Variants in ARHGAP10 observed in about 807,000 individuals in gnomAD.
ARHGAP10 encodes the protein rho GTPase-activating protein 10.
ARHGAP10 carries 87 observed loss-of-function variants against 108.6 expected under a neutral mutation model. The observed-to-expected ratio is 0.80, with a 90% confidence interval of 0.67 to 0.96. ARHGAP10 has a LOEUF of 0.96. Ranked by LOEUF, ARHGAP10 falls within the 40% of genes least tolerant of loss-of-function variation. The pLI, the probability that ARHGAP10 is intolerant of heterozygous loss-of-function variation, is 0.00. For synonymous variants in ARHGAP10, 347 were observed against 341.1 expected (o/e 1.02, Z -0.19); for missense variants, 939 against 954.5 (o/e 0.98, Z 0.21).
At position 147,966,839 on chromosome 4, in the gene ARHGAP10, G is replaced by A; in HGVS notation, c.1716G>A (p.Lys572=). ...VVEILIENHE[K]IFRTPPDTTF... is the part of the protein sequence containing the mutation. ...AAATCTTAATTGAAAACCATGAAAA[G>A]GTAAAATTTTTTTTTTCTTTAAGAG... Residue 572 remains lysine, a splice_region_variant and synonymous_variant, in exon 18 of 23, where the codon AAG becomes AAA. Transcript: ENST00000336498. The A allele has an allele frequency of 3.2e-6, 5 of 1,564,670 alleles. No homozygotes were observed.
intron 1 of ARHGAP10, among the ~76,000 whole-genome samples, chr4:147,759,189 T>A (rs910564820): frequency 6.6e-6 from 1 of 152,194 alleles, no homozygotes; most frequent in African/African-American, 2.4e-5. Context: ...CTGTGTTACT[T>A]TGTTAAACTT....
chr4:147,841,672 T>C (rs1733420613), intron 3 of ARHGAP10, among the ~76,000 whole-genome samples: 1 of 152,312 alleles, frequency 6.6e-6, no homozygotes, highest in South Asian at 2.1e-4. Flanking sequence ...GTTGCTCAGT[T>C]GACATTGCCT....
At chr4:147,793,984 A>G (rs775842255) in intron 1 of ARHGAP10, among the ~76,000 whole-genome samples, 2 of 152,360 alleles carry the variant, frequency 1.3e-5, no homozygotes, top group South Asian at 2.1e-4. Context: ...CAGTTCTACT[A>G]TTCTTAAAAT....
chr4:147,977,427 A>G (rs1312269166), intron 18 of ARHGAP10, among the ~76,000 whole-genome samples: 1 of 152,178 alleles, frequency 6.6e-6, no homozygotes, highest in Admixed American at 6.5e-5. Context: ...TTTGTAAAAT[A>G]AAGCTTTTAG....
At chr4:147,946,155 G>A (rs1738371234) in intron 14 of ARHGAP10, 1 of 153,394 alleles carries the variant, frequency 6.5e-6, no homozygotes, top group African/African-American at 2.4e-5. Context: ...GTTCTCTGGG[G>A]ACTCTACCCT....
chr4:147,750,622 G>T (rs1039776060), intron 1 of ARHGAP10, among the ~76,000 whole-genome samples: 11 of 151,124 alleles, frequency 7.3e-5, no homozygotes, highest in Admixed American at 3.3e-4. Flanking sequence ...TTTGGGGGGG[G>T]TTGTAATCTC....
intron 15 of ARHGAP10, among the ~76,000 whole-genome samples, chr4:147,954,463 GC>G (rs1738717200): frequency 6.6e-6 from 1 of 151,646 alleles, no homozygotes; most frequent in African/African-American, 2.4e-5. Flanking sequence ...TTTATCTCTG[GC>G]AATATTCTCG....
chr4:148,056,443 T>C (rs893973649), intron 20 of ARHGAP10, among the ~76,000 whole-genome samples: 5 of 152,234 alleles, frequency 3.3e-5, no homozygotes, highest in Middle Eastern at 3.2e-3. Flanking sequence ...CTTTTTATAA[T>C]GTATCATTTA....
At chr4:147,789,991 ATTTTTTT>A (rs767313173) in intron 1 of ARHGAP10, among the ~76,000 whole-genome samples, 68 of 117,826 alleles carry the variant, frequency 5.8e-4, no homozygotes, top group East Asian at 3.7e-3. Flanking sequence ...TGGTGTGTGG[ATTTTTTT>A]TTTTTTTTTT....
At chr4:147,738,943 G>A (rs997090276) in intron 1 of ARHGAP10, among the ~76,000 whole-genome samples, 16 of 152,086 alleles carry the variant, frequency 1.1e-4, no homozygotes, top group Admixed American at 2.0e-4. Flanking sequence ...AGCACTTTGG[G>A]AGGCCGAGGC....
At chr4:148,020,160 CAT>C in intron 18 of ARHGAP10, among the ~76,000 whole-genome samples, 1 of 152,252 alleles carries the variant, frequency 6.6e-6, no homozygotes, top group Non-Finnish European at 1.5e-5. Flanking sequence ...GCCTATACAA[CAT>C]AGAGCTTATT....
rs572632675 is a variant in ARHGAP10 at position 148,026,358 on chromosome 4, G to A, written c.1867+2945G>A. 3.9e-5 allele frequency among the ~76,000 whole-genome samples: 6 copies of A among 152,252 alleles called. No individual in the cohort carries two copies. The East Asian group carries it at 5.8e-4, about 15-fold the overall frequency. ...GATGCAGAAAACCCAGCATGAAGCCGGAGGGGAGATCCTCTGCTGGGAGAC... is the reference window on the plus strand; with the variant it reads ...GATGCAGAAAACCCAGCATGAAGCCAGAGGGGAGATCCTCTGCTGGGAGAC... On this transcript the variant is annotated intron_variant, in intron 19 of 22. Transcript: ENST00000336498.
At chr4:147,822,669 TC>T in intron 1 of ARHGAP10, 57 bp from the exon 2 acceptor site, 1 of 1,510,866 alleles carries the variant, frequency 6.6e-7, no homozygotes, top group Non-Finnish European at 9.2e-7. Context: ...AGAATAAATT[TC>T]TTTTATGCTT....
chr4:147,811,602 A>G (rs548862584), intron 1 of ARHGAP10, among the ~76,000 whole-genome samples: 1 of 148,956 alleles, frequency 6.7e-6, no homozygotes, highest in East Asian at 1.9e-4. Flanking sequence ...AAAAAAAAAA[A>G]CAAAAAACAA....
At chr4:147,767,710 AT>A (rs1729894401) in intron 1 of ARHGAP10, among the ~76,000 whole-genome samples, 1 of 152,180 alleles carries the variant, frequency 6.6e-6, no homozygotes, top group African/African-American at 2.4e-5. Flanking sequence ...TCTGGGCAAT[AT>A]AATGAGATTA....
At chr4:147,819,193 A>G (rs1300653141) in intron 1 of ARHGAP10, among the ~76,000 whole-genome samples, 1 of 152,244 alleles carries the variant, frequency 6.6e-6, no homozygotes, top group Non-Finnish European at 1.5e-5. Context: ...TGACCATATG[A>G]AACACCATCT....
intron 12 of ARHGAP10, 31 bp downstream of exon 12, chr4:147,909,808 C>A: frequency 6.3e-7 from 1 of 1,582,360 alleles, no homozygotes; most frequent in Non-Finnish European, 8.7e-7. Flanking sequence ...ATGATTGTAT[C>A]CTCCTTTTCC....
chr4:148,056,409 C>T (rs1052658212), intron 20 of ARHGAP10, among the ~76,000 whole-genome samples: 2 of 152,126 alleles, frequency 1.3e-5, no homozygotes, highest in Non-Finnish European at 2.9e-5. Flanking sequence ...GTTTCAGTGA[C>T]TGAAAAACCT....
intron 4 of ARHGAP10, among the ~76,000 whole-genome samples, chr4:147,853,080 T>A (rs1733940086): frequency 6.6e-6 from 1 of 152,146 alleles, no homozygotes; most frequent in South Asian, 2.1e-4. Context: ...CTGTTCAGGG[T>A]CGCAGGTGGC....
Sources: gnomAD v4.1 joint callset for allele counts (sites outside exome capture counted in the v4.1 genomes callset) on GRCh38, gnomAD v4.1.1 for gene constraint, MANE v1.5 for transcripts, NCBI Gene and HGNC (gene_info 2026-07-23, HGNC 2026-07-21) for gene names.